Variants in SCAI observed in about 807,000 individuals in gnomAD.
SCAI encodes the protein suppressor of cancer cell invasion.
A neutral mutation model predicts 92.2 loss-of-function variants in SCAI; 24 were observed. The observed-to-expected ratio is 0.26, with a 90% CI of 0.19 to 0.37. The LOEUF is 0.37. Among genes scored for constraint, SCAI ranks in the 10% least tolerant of loss-of-function variants. The pLI is 1.00. For missense variants in SCAI, 450 were observed against 736.2 expected (o/e 0.61, Z 4.50); for synonymous variants, 261 against 258.6 (o/e 1.01, Z -0.09).
chr9:125,112,552 C>T (rs1834953828), intron 2 of SCAI, among the ~76,000 whole-genome samples: 1 of 152,180 alleles, frequency 6.6e-6, no homozygotes, highest in Admixed American at 6.6e-5. Flanking sequence ...AAGTCTTAAA[C>T]AGGCTTGTCA....
rs977565781 is a variant in SCAI, at chr9:125,012,056, G to A, written c.861+6743C>T. Among the ~76,000 whole-genome samples, 49 of 152,226 alleles carry A rather than the reference G, an allele frequency of 3.2e-4. 1 individual carries two copies. The highest frequency in any genetic ancestry group is 1.6e-3 in the Admixed American group (25 of 15,278). On this transcript the variant is annotated intron_variant, in intron 9 of 17. Transcript: ENST00000336505. ...GCACTAAACATGGAAAGGAACAACC[G>A]GTACTAGCCACTGCAAAATCATGCC...
At chr9:125,114,768 C>CTTTTT (rs10541713) in intron 2 of SCAI, among the ~76,000 whole-genome samples, 1 of 81,660 alleles carries the variant, frequency 1.2e-5, no homozygotes, top group Non-Finnish European at 2.2e-5. Context: ...CCACACCCGG[C>CTTTTT]TTTTTTTTTT....
intron 2 of SCAI, among the ~76,000 whole-genome samples, chr9:125,134,420 A>G (rs1835472051): frequency 6.6e-6 from 1 of 152,198 alleles, no homozygotes; most frequent in African/African-American, 2.4e-5. Flanking sequence ...AAAGCATTCA[A>G]ATGTTTCTTA....
chr9:125,114,375 T>C lies in SCAI; in HGVS notation c.98+28258A>G, dbSNP rs542204117. 3.3e-5 allele frequency among the ~76,000 whole-genome samples: 5 copies of C among 152,162 alleles called. No individual in the cohort carries two copies. The South Asian group carries it at 1.0e-3, about 32-fold the overall frequency. ...TACACTCCACTAGTAATTACAGTTA[T>C]TGAAGAATGAAATAAAGTTTTTTCC... On this transcript the variant is annotated intron_variant, in intron 2 of 17. Transcript: ENST00000336505.
rs1323810492 is a variant in SCAI at position 124,951,862 on chromosome 9, CA to C, written c.*944del. The C allele has an allele frequency of 1.3e-5, 2 of 152,166 alleles. No homozygotes were observed. Among genetic ancestry groups the C allele is most frequent in the African/African-American group, 4.8e-5 (2 of 41,448 alleles). The allele number at this position is 152,166 out of a possible 1,614,324, so 9.4% of individuals were successfully genotyped here. ...AAATCTTATTTCCAAATTACCAATG[CA>C]AAATCAACTTACATTTTAGGTTTCA... On this transcript the variant is annotated 3_prime_UTR_variant, in exon 18 of 18. Transcript: ENST00000336505.
chr9:124,968,576 T>C (rs957920416), intron 17 of SCAI: 2 of 920,766 alleles, frequency 2.2e-6, no homozygotes, highest in African/African-American at 1.6e-5. Flanking sequence ...CAAACGTGTA[T>C]GGCTTGTCTG....
rs530495292 is a variant in SCAI, at chr9:125,030,562, C to T, written c.231-823G>A. 3.9e-5 allele frequency among the ~76,000 whole-genome samples: 6 copies of T among 152,300 alleles called. No homozygotes were observed. The South Asian group carries it at 1.2e-3, about 32-fold the overall frequency. ...TACTTCGGAAAAGCTAGTCCAGAAA[C>T]TGGTAATAGGAGTACGTTATTGCCA... On this transcript the variant is annotated intron_variant, in intron 3 of 17. Coordinates refer to ENST00000336505, the MANE Select transcript of SCAI (RefSeq NM_001144877.3).
intron 2 of SCAI, among the ~76,000 whole-genome samples, chr9:125,092,736 A>G (rs1177585656): frequency 6.6e-6 from 1 of 152,218 alleles, no homozygotes; most frequent in African/African-American, 2.4e-5. Flanking sequence ...GCATTCAAAC[A>G]GGGTGCATTA....
At chr9:124,960,777 T>C (rs1588116778) in intron 17 of SCAI, among the ~76,000 whole-genome samples, 1 of 152,350 alleles carries the variant, frequency 6.6e-6, no homozygotes, top group South Asian at 2.1e-4. Context: ...ACTCACTTAA[T>C]GGTAAACTTT....
intron 14 of SCAI, among the ~76,000 whole-genome samples, chr9:124,985,561 G>A (rs2131606914): frequency 6.6e-6 from 1 of 152,254 alleles, no homozygotes; most frequent in Non-Finnish European, 1.5e-5. Flanking sequence ...AGCAAAATCA[G>A]ATTTCATATA....
intron 10 of SCAI, 108 bp from the exon 11 acceptor site, chr9:125,003,323 A>G (rs1372077314): frequency 9.8e-7 from 1 of 1,020,284 alleles, no homozygotes; most frequent in African/African-American, 1.6e-5. Context: ...TTTCACACTC[A>G]GTCTTACTGT....
At chr9:125,052,849 AGG>A (rs1833588271) in intron 3 of SCAI, among the ~76,000 whole-genome samples, 1 of 144,314 alleles carries the variant, frequency 6.9e-6, no homozygotes, top group Admixed American at 7.0e-5. Context: ...GCCCAACATT[AGG>A]GAAATTCAAA....
At chr9:125,004,762 TATATATATA>T (rs1564374660) in intron 9 of SCAI, among the ~76,000 whole-genome samples, 32 of 9,210 alleles carry the variant, frequency 3.5e-3, no homozygotes, top group Non-Finnish European at 5.0e-3. Flanking sequence ...TATATATATA[TATATATATA>T]TATATATATT....
At chr9:124,991,165 C>T (rs1006000214) in intron 14 of SCAI, among the ~76,000 whole-genome samples, 2 of 151,796 alleles carry the variant, frequency 1.3e-5, no homozygotes, top group African/African-American at 2.4e-5. Flanking sequence ...CCAGCCTGAC[C>T]AACATGGGGA....
At chr9:124,990,018 T>C (rs915540457) in intron 14 of SCAI, among the ~76,000 whole-genome samples, 2 of 149,096 alleles carry the variant, frequency 1.3e-5, no homozygotes, top group East Asian at 2.0e-4. Context: ...CTACTAAAAA[T>C]ACAAAATTAG....
chr9:124,977,431 G>A (rs1445995264), intron 14 of SCAI, among the ~76,000 whole-genome samples: 1 of 152,108 alleles, frequency 6.6e-6, no homozygotes, highest in Admixed American at 6.5e-5. Flanking sequence ...TGTAATCCCA[G>A]CTCTTTGGGA....
intron 2 of SCAI, among the ~76,000 whole-genome samples, chr9:125,083,906 C>T (rs1017082468): frequency 1.6e-4 from 25 of 151,998 alleles, no homozygotes; most frequent in South Asian, 6.2e-4. Context: ...GGGAGAATGA[C>T]GGAGGGTGAT....
chr9:125,050,019 G>A (rs1235409828), intron 3 of SCAI, among the ~76,000 whole-genome samples: 2 of 151,432 alleles, frequency 1.3e-5, no homozygotes, highest in African/African-American at 4.9e-5. Flanking sequence ...TTAAGACACA[G>A]TACATGAATT....
chr9:125,069,561 G>T (rs892561031), intron 2 of SCAI, among the ~76,000 whole-genome samples: 1 of 146,182 alleles, frequency 6.8e-6, no homozygotes, highest in Non-Finnish European at 1.5e-5. Context: ...CTTGTGATCC[G>T]CCCGCCTCAG....
Sources: gnomAD v4.1 joint callset for allele counts (sites outside exome capture counted in the v4.1 genomes callset) on GRCh38, gnomAD v4.1.1 for gene constraint, MANE v1.5 for transcripts, NCBI Gene and HGNC (gene_info 2026-07-23, HGNC 2026-07-21) for gene names.